DNAJC13: variants seen among roughly 807,000 people sequenced by gnomAD.
DNAJC13 encodes the protein dnaJ homolog subfamily C member 13.
In DNAJC13, 75 loss-of-function variants were observed where a neutral mutation model predicts 290.5. That is an observed-to-expected ratio of 0.26 (90% CI 0.21 to 0.31). DNAJC13 has a LOEUF of 0.31. DNAJC13 is among the 10% of genes least tolerant of loss of function. The probability of loss-of-function intolerance (pLI) is 1.00; values close to 1 mark genes in which losing one functional copy is unlikely to be tolerated. For missense variants in DNAJC13, 2,260 were observed against 2,674.5 expected (o/e 0.85, Z 3.42); for synonymous variants, 862 against 892.0 (o/e 0.97, Z 0.60).
At chr3:132,504,938 G>T (rs1935538053) in intron 41 of DNAJC13, among the ~76,000 whole-genome samples, 1 of 152,144 alleles carries the variant, frequency 6.6e-6, no homozygotes, top group African/African-American at 2.4e-5. Context: ...GTATTATGTT[G>T]TGATTCTTTT....
chr3:132,456,236 G>A lies in DNAJC13; in HGVS notation c.934G>A (p.Asp312Asn). Residue 312 changes from aspartate to asparagine, a missense_variant and splice_region_variant, in exon 10 of 56, where the codon GAT becomes AAT. This residue lies in a region of DNAJC13 where 762 missense variants were observed against 964.1 expected (regional missense o/e 0.79). Transcript: ENST00000260818. Reference sequence around the variant, plus strand: ...TTTTTTACTTTTAATCTTACTTAGAGATTCCTTATTAGCAAGTTTGCTGGA... The same window carrying A: ...TTTTTTACTTTTAATCTTACTTAGAAATTCCTTATTAGCAAGTTTGCTGGA... ...QVRKYSSTER[D>N]SLLASLLDGV... 1.2e-6 allele frequency: 2 copies of A among 1,609,968 alleles called. No individual in the cohort carries two copies. The highest frequency in any genetic ancestry group is 1.7e-6 in the Non-Finnish European group (2 of 1,178,794).
chr3:132,477,970 TTA>T lies in DNAJC13; in HGVS notation c.2550-10_2550-9del. 2 of 1,596,306 alleles carry T rather than the reference TTA, an allele frequency of 1.3e-6. No homozygotes were observed. The highest frequency in any genetic ancestry group is 1.2e-5 in the South Asian group (1 of 86,608). The stretch of plus-strand genomic sequence containing the variant: ...CTATTTCTATTGTGAACTTTTTTTT[TTA>T]AAATCTAGGTATGAATTTTTCAATG... On this transcript the variant is annotated splice_polypyrimidine_tract_variant and intron_variant, in intron 23 of 55. Transcript: ENST00000260818.
In DNAJC13 at chr3:132,478,305, A is replaced by T. The variant is rs1328230408; in HGVS notation, c.2709+165A>T. On this transcript the variant is annotated intron_variant, in intron 24 of 55. Coordinates refer to ENST00000260818, the MANE Select transcript of DNAJC13 (RefSeq NM_015268.4). ...TTTAAATCTGAGTTAGATGAATAGG[A>T]AAATGAATAATGGGTTAGAATTTGT... Among the ~76,000 whole-genome samples, 51 of 152,354 alleles carry T rather than the reference A, an allele frequency of 3.3e-4. 1 individual carries two copies. In the South Asian group the frequency reaches 4.1e-3, roughly 12 times the overall value.
At chr3:132,420,412 A>G (rs1458736772) in intron 1 of DNAJC13, among the ~76,000 whole-genome samples, 1 of 152,270 alleles carries the variant, frequency 6.6e-6, no homozygotes, top group East Asian at 1.9e-4. Context: ...GTGGGAGAGA[A>G]TCTTATGCCT....
chr3:132,522,366 A>G (rs1256155387), intron 48 of DNAJC13, among the ~76,000 whole-genome samples: 2 of 152,224 alleles, frequency 1.3e-5, no homozygotes, highest in Non-Finnish European at 2.9e-5. Context: ...TAAAACATGC[A>G]GCAAAATAAA....
At position 132,478,555 on chromosome 3, in the gene DNAJC13, C is replaced by T. The variant is rs531294793; in HGVS notation, c.2709+415C>T. Among the ~76,000 whole-genome samples, 10 of 152,226 alleles carry T rather than the reference C, an allele frequency of 6.6e-5. 1 individual carries two copies. Among genetic ancestry groups the T allele is most frequent in the African/African-American group, 2.4e-4 (10 of 41,544 alleles). On this transcript the variant is annotated intron_variant, in intron 24 of 55. Coordinates refer to ENST00000260818, the MANE Select transcript of DNAJC13 (RefSeq NM_015268.4). ...AACCTTTTAAAACTACAATGCTACCCTTCCAAAAAAGAAACCTTGAGTTAG... is the reference window on the plus strand; with the variant it reads ...AACCTTTTAAAACTACAATGCTACCTTTCCAAAAAAGAAACCTTGAGTTAG...
At chr3:132,477,128 A>T (rs978551909) in intron 22 of DNAJC13, among the ~76,000 whole-genome samples, 3 of 152,268 alleles carry the variant, frequency 2.0e-5, no homozygotes, top group Non-Finnish European at 4.4e-5. Context: ...ATAGAAAATG[A>T]AATGAAGATA....
At chr3:132,430,418 T>A (rs894210332) in intron 1 of DNAJC13, among the ~76,000 whole-genome samples, 3 of 152,100 alleles carry the variant, frequency 2.0e-5, no homozygotes, top group African/African-American at 4.8e-5. Flanking sequence ...CTTTATTCCT[T>A]CTGGGTCATG....
At chr3:132,510,635 T>C (rs1402351926) in intron 43 of DNAJC13, among the ~76,000 whole-genome samples, 1 of 152,216 alleles carries the variant, frequency 6.6e-6, no homozygotes, top group Non-Finnish European at 1.5e-5. Context: ...CCATAATGTA[T>C]ATCACGTATC....
chr3:132,489,644 A>G (rs909290231), intron 31 of DNAJC13, among the ~76,000 whole-genome samples: 7 of 152,122 alleles, frequency 4.6e-5, no homozygotes, highest in African/African-American at 1.7e-4. Flanking sequence ...CATATCAAGC[A>G]GAATAAGAAA....
chr3:132,514,117 T>C (rs1313022831), intron 45 of DNAJC13, among the ~76,000 whole-genome samples: 2 of 152,152 alleles, frequency 1.3e-5, no homozygotes, highest in Non-Finnish European at 2.9e-5. Flanking sequence ...CGCTGACCAA[T>C]GATGTTTAGA....
Position 132,456,328 on chromosome 3 carries a change from A to T in DNAJC13, c.1026A>T (p.Arg342=). The change falls in exon 10 of 56, where the codon CGA becomes CGT. Residue 342 remains arginine (R), a synonymous_variant. Transcript: ENST00000260818. ...TGACACCAACCCATAAAGGTCAGCG[A>T]TGGGGGTTACTCAGCATGCCTGTTG... ...VKMTPTHKGQ[R]WGLLSMPVDE... is the part of the protein sequence containing the mutation. The T allele has an allele frequency of 6.2e-7, 1 of 1,614,016 alleles. No individual in the cohort carries two copies. Among genetic ancestry groups the T allele is most frequent in the South Asian group, 1.1e-5 (1 of 91,082 alleles).
At position 132,450,833 on chromosome 3, in the gene DNAJC13, G is replaced by A; in HGVS notation, c.523G>A (p.Gly175Arg). 4 of 1,561,082 alleles carry A rather than the reference G, an allele frequency of 2.6e-6. No individual in the cohort carries two copies. The highest frequency in any genetic ancestry group is 3.5e-6 in the Non-Finnish European group (4 of 1,143,702). Residue 175 changes from glycine to arginine, a missense_variant, in exon 6 of 56, where the codon GGA becomes AGA. Physicochemically the swap from Gly to Arg is moderately radical, Grantham distance 125. Transcript: ENST00000260818. Reference protein sequence around the residue: ...YQGGFCILYGGFSRLHLFASE... With the variant: ...YQGGFCILYGRFSRLHLFASE... ...AGGAGGATTTTGTATACTTTATGGA[G>A]GATTTAGTAGATTGGTAAGTACTAT...
At chr3:132,471,127 C>A (rs1433467242) in intron 20 of DNAJC13, among the ~76,000 whole-genome samples, 5 of 136,116 alleles carry the variant, frequency 3.7e-5, no homozygotes, top group South Asian at 4.9e-4. Flanking sequence ...CTGACCCCCC[C>A]ATCTCCCTCC....
intron 2 of DNAJC13, among the ~76,000 whole-genome samples, chr3:132,440,176 G>A (rs140560671): frequency 6.6e-6 from 1 of 152,216 alleles, no homozygotes; most frequent in African/African-American, 2.4e-5. Context: ...AGAATTGCTT[G>A]AACCCAGGAG....
chr3:132,533,339 T>C (rs1936484378), intron 55 of DNAJC13, among the ~76,000 whole-genome samples: 1 of 147,874 alleles, frequency 6.8e-6, no homozygotes, highest in Non-Finnish European at 1.5e-5. Context: ...CCCTCTTTTT[T>C]TTTTTTTTTT....
chr3:132,482,637 C>T lies in DNAJC13; in HGVS notation c.2979+307C>T, dbSNP rs1174601361. 3.3e-5 allele frequency among the ~76,000 whole-genome samples: 5 copies of T among 152,022 alleles called. No individual in the cohort carries two copies. In the East Asian group the frequency reaches 5.8e-4, roughly 18 times the overall value. On this transcript the variant is annotated intron_variant, in intron 27 of 55. Transcript: ENST00000260818. The stretch of plus-strand genomic sequence containing the variant: ...TGTAATTCCGGCACTGTGGGAGGAT[C>T]GCTTGAAGCCAGGAGTTCAAGACCA...
chr3:132,501,241 C>G (rs889955377), intron 39 of DNAJC13, among the ~76,000 whole-genome samples: 1 of 152,142 alleles, frequency 6.6e-6, no homozygotes, highest in African/African-American at 2.4e-5. Flanking sequence ...TGGCTCACGT[C>G]TGTAATCCTA....
chr3:132,419,990 A>T (rs2107635724), intron 1 of DNAJC13, among the ~76,000 whole-genome samples: 1 of 152,354 alleles, frequency 6.6e-6, no homozygotes, highest in South Asian at 2.1e-4. Context: ...CAACAAAAAA[A>T]GACCTACACT....
Sources: allele counts gnomAD v4.1 joint callset (sites outside exome capture counted in the v4.1 genomes callset), GRCh38; gene constraint gnomAD v4.1.1; regional missense constraint gnomAD v4.1.1; transcripts MANE v1.5; gene names NCBI Gene and HGNC (gene_info 2026-07-23, HGNC 2026-07-21).